Variants in COL4A3 observed in about 807,000 individuals in gnomAD.
COL4A3 encodes collagen type IV alpha 3 chain, also known as collagen alpha-3(IV) chain.
A neutral mutation model predicts 217.4 loss-of-function variants in COL4A3; 135 were observed. The ratio of observed to expected loss-of-function variants is 0.62; its 90% CI spans 0.54 to 0.72. The LOEUF (loss-of-function observed/expected upper bound fraction) is 0.72. COL4A3 is among the 30% of genes least tolerant of loss of function. COL4A3 has a pLI of 0.00. For synonymous variants in COL4A3, 690 were observed against 736.3 expected, an observed-to-expected ratio of 0.94 and a Z score of 1.02; for missense variants, 1,868 against 2,119.9, an observed-to-expected ratio of 0.88 and a Z score of 2.33.
At chr2:227,227,024 C>T (rs927628876) in intron 1 of COL4A3, among the ~76,000 whole-genome samples, 3 of 152,192 alleles carry the variant, frequency 2.0e-5, no homozygotes, top group Admixed American at 6.5e-5. Context: ...ATAATTTTCA[C>T]ATTACAAAAT....
intron 44 of COL4A3, 63 bp from the exon 45 acceptor site, chr2:227,303,796 C>A: frequency 6.7e-7 from 1 of 1,495,770 alleles, no homozygotes; most frequent in South Asian, 1.1e-5. Context: ...CAATCATCAA[C>A]CTGAAGAACT....
chr2:227,209,273 G>A (rs1481900261), intron 1 of COL4A3, among the ~76,000 whole-genome samples: 1 of 152,194 alleles, frequency 6.6e-6, no homozygotes, highest in Non-Finnish European at 1.5e-5. Context: ...CAATTCAGAT[G>A]CATCTGCTTT....
At chr2:227,293,445 C>G in intron 38 of COL4A3, 128 bp downstream of exon 38, 1 of 1,064,808 alleles carries the variant, frequency 9.4e-7, no homozygotes, top group East Asian at 2.5e-5. Context: ...CAACTTTGAA[C>G]TTCAAATTCT....
chr2:227,246,930 G>C, intron 7 of COL4A3, 192 bp downstream of exon 7: 1 of 710,106 alleles, frequency 1.4e-6, no homozygotes. Flanking sequence ...TTGAGGCTTT[G>C]TTTTACTTTT....
At chr2:227,300,432 T>C (rs1013309493) in intron 43 of COL4A3, among the ~76,000 whole-genome samples, 2 of 152,204 alleles carry the variant, frequency 1.3e-5, no homozygotes, top group Admixed American at 6.5e-5. Flanking sequence ...TTAGACATCA[T>C]CTTATTCATT....
intron 34 of COL4A3, among the ~76,000 whole-genome samples, chr2:227,287,924 A>G (rs1386491889): frequency 6.6e-6 from 1 of 152,268 alleles, no homozygotes; most frequent in African/African-American, 2.4e-5. Flanking sequence ...CTATTTATTA[A>G]TTAGATGCTC....
chr2:227,179,894 T>C (rs977223068), intron 1 of COL4A3, among the ~76,000 whole-genome samples: 2 of 152,172 alleles, frequency 1.3e-5, no homozygotes, highest in Non-Finnish European at 2.9e-5. Flanking sequence ...AGGAATAAGA[T>C]TGATAAATGT....
At chr2:227,242,111 TC>T (rs1457276704) in intron 3 of COL4A3, among the ~76,000 whole-genome samples, 1 of 152,134 alleles carries the variant, frequency 6.6e-6, no homozygotes, top group East Asian at 1.9e-4. Context: ...AAGGGCTCAG[TC>T]CCACAAGACT....
At chr2:227,227,079 AC>A (rs2068135913) in intron 1 of COL4A3, among the ~76,000 whole-genome samples, 1 of 152,240 alleles carries the variant, frequency 6.6e-6, no homozygotes, top group Admixed American at 6.5e-5. Context: ...AAATATAAAA[AC>A]CAGTCTTAGC....
chr2:227,241,685 C>T (rs78189153), intron 3 of COL4A3, among the ~76,000 whole-genome samples: 1 of 151,510 alleles, frequency 6.6e-6, no homozygotes, highest in Non-Finnish European at 1.5e-5. Flanking sequence ...AAAATATATA[C>T]GTGTGTGTAT....
At chr2:227,249,230 A>ATATTTT in intron 9 of COL4A3, among the ~76,000 whole-genome samples, 2 of 14,692 alleles carry the variant, frequency 1.4e-4, no homozygotes, top group Non-Finnish European at 2.5e-4. Flanking sequence ...ATATATATAT[A>ATATTTT]TTTTTTTTTT....
At chr2:227,233,089 C>G (rs1452835343) in intron 1 of COL4A3, among the ~76,000 whole-genome samples, 1 of 152,202 alleles carries the variant, frequency 6.6e-6, no homozygotes, top group Non-Finnish European at 1.5e-5. Context: ...TCTCAGCTAA[C>G]TACAACCTCA....
intron 1 of COL4A3, among the ~76,000 whole-genome samples, chr2:227,187,488 G>A (rs754744589): frequency 3.9e-5 from 6 of 152,150 alleles, no homozygotes; most frequent in Non-Finnish European, 7.4e-5. Flanking sequence ...ACTAGATGGG[G>A]TTTCTTGCAG....
chr2:227,199,320 G>A (rs549429495), intron 1 of COL4A3, among the ~76,000 whole-genome samples: 9 of 152,166 alleles, frequency 5.9e-5, no homozygotes, highest in African/African-American at 1.9e-4. Flanking sequence ...CCCAGGATTG[G>A]GTCATTTCTA....
chr2:227,245,932 T>C (rs372029126), intron 5 of COL4A3, 22 bp from the exon 6 acceptor site: 31 of 1,608,470 alleles, frequency 1.9e-5, no homozygotes, highest in African/African-American at 4.0e-5. Flanking sequence ...ACCCTCCTCA[T>C]TGAGACTTGT....
intron 1 of COL4A3, among the ~76,000 whole-genome samples, chr2:227,219,736 T>A (rs1342496549): frequency 2.6e-5 from 4 of 152,242 alleles, no homozygotes; most frequent in Non-Finnish European, 5.9e-5. Flanking sequence ...TAATTTTTAA[T>A]CTTCTTTTCT....
At position 227,252,086 on chromosome 2, in the gene COL4A3, A is replaced by C. The variant is rs541907252; in HGVS notation, c.645+715A>C. 5.3e-5 allele frequency among the ~76,000 whole-genome samples: 8 copies of C among 150,486 alleles called. No homozygotes were observed. The East Asian group carries it at 1.4e-3, about 26-fold the overall frequency. Reference sequence around the variant, plus strand: ...ACCATCTCAAAAAAAAAAAAAAAAAAAAAAACAGAAGTGCAATTGTTAGTT... The same window carrying C: ...ACCATCTCAAAAAAAAAAAAAAAAACAAAAACAGAAGTGCAATTGTTAGTT... On this transcript the variant is annotated intron_variant, in intron 11 of 51. Transcript: ENST00000396578.
In COL4A3 at chr2:227,314,773, T is replaced by G. The variant is rs922709090; in HGVS notation, c.*2903T>G. On this transcript the variant is annotated 3_prime_UTR_variant, in exon 52 of 52. Coordinates refer to ENST00000396578, the MANE Select transcript of COL4A3 (RefSeq NM_000091.5). ...ATTATTTTATTATATTGCCTAAGAATAAACATTTGTTAAATTGGAGCTGGT... is the reference window on the plus strand; with the variant it reads ...ATTATTTTATTATATTGCCTAAGAAGAAACATTTGTTAAATTGGAGCTGGT... 6.6e-6 allele frequency: 1 copy of G among 152,016 alleles called. No individual in the cohort carries two copies. The highest frequency in any genetic ancestry group is 1.5e-5 in the Non-Finnish European group (1 of 67,988). The allele number at this position is 152,016 out of a possible 1,614,324, so 9.4% of individuals were successfully genotyped here. A position where few individuals can be genotyped will look rare whatever the true frequency, so the allele number is the denominator to read the frequency against.
intron 9 of COL4A3, among the ~76,000 whole-genome samples, chr2:227,249,230 A>ATATATTT: frequency 2.0e-4 from 3 of 14,692 alleles, no homozygotes; most frequent in South Asian, 4.3e-3. Context: ...ATATATATAT[A>ATATATTT]TTTTTTTTTT....
Sources: allele counts gnomAD v4.1 joint callset (sites outside exome capture counted in the v4.1 genomes callset), GRCh38; gene constraint gnomAD v4.1.1; transcripts MANE v1.5; gene names NCBI Gene and HGNC (gene_info 2026-07-23, HGNC 2026-07-21).